MSRA: variants seen among roughly 807,000 people sequenced by gnomAD.
The protein encoded by MSRA is mitochondrial peptide methionine sulfoxide reductase.
In MSRA, 54 loss-of-function variants were observed where a neutral mutation model predicts 31.3. The ratio of observed to expected loss-of-function variants is 1.73; its 90% CI spans 1.39 to 2.17. The LOEUF is 2.17. Among genes scored for constraint, MSRA ranks in the 30% most tolerant of loss-of-function variants. The pLI is 0.00. For synonymous variants in MSRA, 169 were observed against 116.5 expected (o/e 1.45, Z -2.90); for missense variants, 507 against 300.9 (o/e 1.69, Z -5.07).
intron 3 of MSRA, among the ~76,000 whole-genome samples, chr8:10,272,637 G>A (rs921186483): frequency 6.6e-6 from 1 of 152,216 alleles, no homozygotes; most frequent in Non-Finnish European, 1.5e-5. Flanking sequence ...GCACAGTCAA[G>A]TTGACACATA....
chr8:10,074,043 T>A (rs1420102526), intron 1 of MSRA, among the ~76,000 whole-genome samples: 2 of 140,124 alleles, frequency 1.4e-5, no homozygotes, highest in African/African-American at 5.0e-5. Context: ...CATTTTGTTT[T>A]GTCTAAGGGA....
At chr8:10,324,162 T>G (rs13250850) in intron 5 of MSRA, among the ~76,000 whole-genome samples, 41,771 of 152,196 alleles carry the variant, frequency 0.27, 6,230 homozygotes, top group East Asian at 0.4. Flanking sequence ...CACATGTGGC[T>G]GTTGAGCACT....
chr8:10,232,152 G>A (rs998663132), intron 2 of MSRA, among the ~76,000 whole-genome samples: 3 of 152,166 alleles, frequency 2.0e-5, no homozygotes, highest in Non-Finnish European at 2.9e-5. Context: ...TGTGTTCTGA[G>A]TGAAGTCTAA....
chr8:10,386,379 G>T (rs1298365265), intron 5 of MSRA, among the ~76,000 whole-genome samples: 1 of 152,154 alleles, frequency 6.6e-6, no homozygotes, highest in African/African-American at 2.4e-5. Context: ...TGGGGCAGGG[G>T]TGATGAACAG....
intron 1 of MSRA, among the ~76,000 whole-genome samples, chr8:10,183,892 T>G (rs200333993): frequency 3.9e-4 from 47 of 120,754 alleles, no homozygotes; most frequent in African/African-American, 7.0e-4. Flanking sequence ...ATAGGTGGTG[T>G]TGGTGGTGGT....
At chr8:10,317,924 C>A (rs772296128) in intron 4 of MSRA, among the ~76,000 whole-genome samples, 6 of 152,132 alleles carry the variant, frequency 3.9e-5, no homozygotes, top group African/African-American at 4.8e-5. Flanking sequence ...CGTGACTTGT[C>A]AAGATACCTA....
At chr8:10,280,379 T>C (rs1339370480) in intron 3 of MSRA, among the ~76,000 whole-genome samples, 1 of 111,720 alleles carries the variant, frequency 9.0e-6, no homozygotes, top group African/African-American at 3.2e-5. Context: ...ATTCAAGTTA[T>C]AGATTTCTAT....
chr8:10,258,575 G>C (rs1304114388), intron 3 of MSRA, among the ~76,000 whole-genome samples: 1 of 152,160 alleles, frequency 6.6e-6, no homozygotes, highest in Non-Finnish European at 1.5e-5. Flanking sequence ...GATCCCACTG[G>C]AAAGTCTTGG....
chr8:10,249,685 C>A (rs966259987), intron 3 of MSRA, among the ~76,000 whole-genome samples: 1 of 152,168 alleles, frequency 6.6e-6, no homozygotes, highest in Non-Finnish European at 1.5e-5. Flanking sequence ...TAGCATCTCT[C>A]ATGGCCAGCA....
At chr8:10,188,228 T>C (rs553507550) in intron 1 of MSRA, among the ~76,000 whole-genome samples, 1 of 152,338 alleles carries the variant, frequency 6.6e-6, no homozygotes, top group East Asian at 1.9e-4. Context: ...ACAGATCTTA[T>C]TTGGATTTCA....
intron 5 of MSRA, among the ~76,000 whole-genome samples, chr8:10,415,497 G>A (rs545692348): frequency 6.6e-6 from 1 of 152,080 alleles, no homozygotes; most frequent in Non-Finnish European, 1.5e-5. Context: ...GATTGCAGGC[G>A]ATGGAAAATC....
chr8:10,357,742 A>C (rs1201482634), intron 5 of MSRA, among the ~76,000 whole-genome samples: 1 of 152,176 alleles, frequency 6.6e-6, no homozygotes, highest in Non-Finnish European at 1.5e-5. Context: ...TGGTTTGGTC[A>C]TTATTTCTAG....
At chr8:10,193,102 C>A (rs1431603426) in intron 1 of MSRA, among the ~76,000 whole-genome samples, 2 of 152,212 alleles carry the variant, frequency 1.3e-5, no homozygotes, top group Non-Finnish European at 2.9e-5. Flanking sequence ...AGACATAATT[C>A]TCCTCGAAAT....
chr8:10,374,549 A>G (rs1028441804), intron 5 of MSRA, among the ~76,000 whole-genome samples: 2 of 152,210 alleles, frequency 1.3e-5, no homozygotes, highest in Admixed American at 6.5e-5. Context: ...GGTCTTCCAG[A>G]TAGTACATGA....
chr8:10,255,507 A>G (rs988728977), intron 3 of MSRA, among the ~76,000 whole-genome samples: 1 of 152,152 alleles, frequency 6.6e-6, no homozygotes, highest in Non-Finnish European at 1.5e-5. Context: ...CCCGGCAGGT[A>G]AGGAGCTGCT....
intron 5 of MSRA, among the ~76,000 whole-genome samples, chr8:10,393,735 G>C (rs1229935480): frequency 6.6e-6 from 1 of 152,206 alleles, no homozygotes; most frequent in Non-Finnish European, 1.5e-5. Context: ...CCAAGTAATG[G>C]AGTCAGCACG....
chr8:10,159,281 C>T (rs571001930), intron 1 of MSRA, among the ~76,000 whole-genome samples: 10 of 152,284 alleles, frequency 6.6e-5, no homozygotes, highest in African/African-American at 2.4e-4. Flanking sequence ...GGGGACAGAG[C>T]AGGGTGGGTA....
At chr8:10,206,457 A>T (rs1393625572) in intron 1 of MSRA, among the ~76,000 whole-genome samples, 1 of 152,222 alleles carries the variant, frequency 6.6e-6, no homozygotes, top group Non-Finnish European at 1.5e-5. Flanking sequence ...TGGAAGCCCC[A>T]GAAGGGAACT....
At chr8:10,299,052 C>G (rs2129123572) in intron 3 of MSRA, among the ~76,000 whole-genome samples, 1 of 152,278 alleles carries the variant, frequency 6.6e-6, no homozygotes, top group East Asian at 1.9e-4. Flanking sequence ...CTCAACAGCA[C>G]TAAGATGCTT....
Sources: allele counts gnomAD v4.1 joint callset (sites outside exome capture counted in the v4.1 genomes callset), GRCh38; gene constraint gnomAD v4.1.1; transcripts MANE v1.5; gene names NCBI Gene and HGNC (gene_info 2026-07-23, HGNC 2026-07-21).